Variants in BIRC6 observed in about 807,000 individuals in gnomAD.
The protein encoded by BIRC6 is dual E2 ubiquitin-conjugating enzyme/E3 ubiquitin-protein ligase BIRC6.
In BIRC6, 98 loss-of-function variants were observed where a neutral mutation model predicts 503.3. That is an observed-to-expected ratio of 0.19 (90% confidence interval 0.17 to 0.23). The LOEUF (loss-of-function observed/expected upper bound fraction) is 0.23. BIRC6 is among the 10% of genes least tolerant of loss of function. The pLI is 1.00. For missense variants in BIRC6, 5,360 were observed against 5,806.0 expected, an observed-to-expected ratio of 0.92 and a Z score of 2.50; for synonymous variants, 2,240 against 2,078.7, an observed-to-expected ratio of 1.08 and a Z score of -2.11.
At chr2:32,530,476 G>T (rs2056644991) in intron 60 of BIRC6, among the ~76,000 whole-genome samples, 1 of 152,122 alleles carries the variant, frequency 6.6e-6, no homozygotes. Context: ...CTCACAAAGT[G>T]CTGGGATATA....
intron 65 of BIRC6, among the ~76,000 whole-genome samples, chr2:32,572,395 G>C (rs1215303239): frequency 1.3e-5 from 2 of 152,124 alleles, no homozygotes. Flanking sequence ...ATCATTTCCA[G>C]CTTTCCCTAT....
In BIRC6 at chr2:32,505,545, G is replaced by T. The variant is rs1363400055; in HGVS notation, c.9700+340G>T. Among the ~76,000 whole-genome samples the T allele has an allele frequency of 2.0e-5, 3 of 152,100 alleles. No homozygotes were observed. In the East Asian group the frequency reaches 5.8e-4, roughly 29 times the overall value. On this transcript the variant is annotated intron_variant, in intron 50 of 73. Coordinates refer to ENST00000421745, the MANE Select transcript of BIRC6 (RefSeq NM_016252.4). Reference sequence around the variant, plus strand: ...TTACCATGTTAGTTTTTTCAGCCCAGACCTCAGTCCTAGCCTTGTAATGTG... The same window carrying T: ...TTACCATGTTAGTTTTTTCAGCCCATACCTCAGTCCTAGCCTTGTAATGTG...
intron 61 of BIRC6, among the ~76,000 whole-genome samples, chr2:32,534,603 C>A (rs1403545992): frequency 6.7e-6 from 1 of 150,360 alleles, no homozygotes; most frequent in Non-Finnish European, 1.5e-5. Flanking sequence ...TGGTGGTGGA[C>A]GCTTGTAATC....
In BIRC6 at chr2:32,429,308, AT is replaced by A; in HGVS notation, c.3022+18del. On this transcript the variant is annotated intron_variant, in intron 11 of 73. Transcript: ENST00000421745. ...CCTGGCATTTCAGGTATGATATTAA[AT>A]TTTTAAATGATTTTAAAAAAAGAAT... 3 of 1,470,858 alleles carry A rather than the reference AT, an allele frequency of 2.0e-6. No individual in the cohort carries two copies. The South Asian group carries it at 4.1e-5, about 20-fold the overall frequency. 91.1% of individuals were successfully genotyped at this position (1,470,858 alleles called of 1,614,324 possible).
intron 33 of BIRC6, among the ~76,000 whole-genome samples, chr2:32,475,984 T>C (rs902390414): frequency 3.9e-5 from 6 of 152,184 alleles, no homozygotes; most frequent in Admixed American, 3.9e-4. Context: ...AGTCTTCCAG[T>C]TATTTCTTAC....
At chr2:32,466,019 A>G (rs987543238) in intron 26 of BIRC6, among the ~76,000 whole-genome samples, 2 of 152,134 alleles carry the variant, frequency 1.3e-5, no homozygotes, top group Non-Finnish European at 2.9e-5. Context: ...TTTACACTGT[A>G]GTTTGTTTTT....
At position 32,595,093 on chromosome 2, in the gene BIRC6, T is replaced by G. The variant is rs1055448566; in HGVS notation, c.13561T>G (p.Leu4521Val). 2.5e-6 allele frequency: 4 copies of G among 1,601,510 alleles called. No homozygotes were observed. The highest frequency in any genetic ancestry group is 3.4e-6 in the Non-Finnish European group (4 of 1,177,088). ...AAMKPKPLSV[L>V]KSLEEKYVAV... ...TATGAAACCCAAACCTTTGTCAGTA[T>G]TAAAGTCACTTGAAGAAAAATATGT... Residue 4521 changes from leucine (L) to valine (V), a missense_variant, in exon 68 of 74, where the codon TTA (leucine) becomes GTA (valine). Around this residue, in one of 16 missense-constraint regions of BIRC6, gnomAD observed 477 missense variants for 574.4 expected, o/e 0.83. Transcript: ENST00000421745.
chr2:32,551,834 T>G (rs2058444553), intron 65 of BIRC6, among the ~76,000 whole-genome samples: 2 of 152,210 alleles, frequency 1.3e-5, no homozygotes, highest in Admixed American at 1.3e-4. Context: ...TTATCTTTCA[T>G]AATACTGATA....
Position 32,499,526 on chromosome 2 carries a change from TC to T in BIRC6, c.8469-20del. ...CTCTCTCTCTCTCTCTTTTTCTGTC[TC>T]TCTCTCTCTCTCTCTGCAGGGGTGC... On this transcript the variant is annotated intron_variant, in intron 45 of 73. Coordinates refer to ENST00000421745, the MANE Select transcript of BIRC6 (RefSeq NM_016252.4). 3 of 1,312,154 alleles carry T rather than the reference TC, an allele frequency of 2.3e-6. No homozygotes were observed. The highest frequency in any genetic ancestry group is 2.7e-5 in the Admixed American group (1 of 37,452). The allele number at this position is 1,312,154 out of a possible 1,614,324, so 81.3% of individuals were successfully genotyped here.
In BIRC6 at chr2:32,442,052, T is replaced by C. The variant is rs2045493931; in HGVS notation, c.3945-13T>C. The C allele has an allele frequency of 3.3e-6, 5 of 1,511,808 alleles. No individual in the cohort carries two copies. In the Admixed American group the frequency reaches 1.2e-4, roughly 35 times the overall value. The allele number at this position is 1,511,808 out of a possible 1,614,324, so 93.6% of individuals were successfully genotyped here. A position where few individuals can be genotyped will look rare whatever the true frequency, so the allele number is the denominator to read the frequency against. On this transcript the variant is annotated splice_polypyrimidine_tract_variant and intron_variant, in intron 17 of 73. Coordinates refer to ENST00000421745, the MANE Select transcript of BIRC6 (RefSeq NM_016252.4). ...TTTGTTTGGTAATGTGTTTATATTT[T>C]CTTTTTTTGTAGAGTGCAACGATGT... is the stretch of plus-strand genomic sequence containing the variant.
intron 71 of BIRC6, among the ~76,000 whole-genome samples, chr2:32,605,244 C>G (rs1403793390): frequency 6.6e-6 from 1 of 152,098 alleles, no homozygotes; most frequent in Non-Finnish European, 1.5e-5. Context: ...TAGGCCCCAG[C>G]GTCTGCAAAA....
rs1164201194 is a variant in BIRC6 at position 32,549,048 on chromosome 2, GCTA to G, written c.12976-260_12976-258del. ...TAAAATATGTAAATAATACAGAGTT[GCTA>G]CTACATTTTTTATGTTCGTAGTTGT... On this transcript the variant is annotated intron_variant, in intron 64 of 73. Coordinates refer to ENST00000421745, the MANE Select transcript of BIRC6 (RefSeq NM_016252.4). 5 of 244,524 alleles carry G rather than the reference GCTA, an allele frequency of 2.0e-5. No homozygotes were observed. In the South Asian group the frequency reaches 5.3e-4, roughly 26 times the overall value. 15.1% of individuals were successfully genotyped at this position (244,524 alleles called of 1,614,324 possible).
chr2:32,556,606 A>G (rs1405876674), intron 65 of BIRC6, among the ~76,000 whole-genome samples: 1 of 152,002 alleles, frequency 6.6e-6, no homozygotes, highest in East Asian at 1.9e-4. Context: ...CCGCTATATA[A>G]TTGTTTTGCA....
chr2:32,362,579 A>T (rs1195009988), intron 1 of BIRC6, among the ~76,000 whole-genome samples: 3 of 151,882 alleles, frequency 2.0e-5, no homozygotes, highest in Admixed American at 2.0e-4. Context: ...CGGCCTCCCA[A>T]AGTGCTGGGA....
intron 6 of BIRC6, among the ~76,000 whole-genome samples, chr2:32,397,604 G>GTGTGTGTGTGTA (rs1412130234): frequency 1.8e-5 from 2 of 111,978 alleles, no homozygotes; most frequent in African/African-American, 7.1e-5. Context: ...GTGTGTGTGT[G>GTGTGTGTGTGTA]TATATATGTG....
rs759426829 is a variant in BIRC6, at chr2:32,439,654, G to C, written c.3778G>C (p.Ala1260Pro). The C allele has an allele frequency of 6.2e-7, 1 of 1,613,726 alleles. No homozygotes were observed. The highest frequency in any genetic ancestry group is 2.2e-5 in the East Asian group (1 of 44,864). Residue 1260 changes from alanine to proline, a missense_variant, in exon 16 of 74, where the codon GCT becomes CCT. Physicochemically the swap from Ala to Pro is conservative, Grantham distance 27. Transcript: ENST00000421745. ...KHQSNKGYSLASLLAKVAAGK... is the reference protein window; with the variant it reads ...KHQSNKGYSLPSLLAKVAAGK... ...CCAGAGTAACAAGGGTTATTCACTT[G>C]CTTCACTTTTGGCTAAAGTTGCAGC...
intron 73 of BIRC6, among the ~76,000 whole-genome samples, chr2:32,614,554 G>A (rs780735855): frequency 4.6e-5 from 7 of 152,140 alleles, no homozygotes; most frequent in South Asian, 2.1e-4. Flanking sequence ...TTGGCCAGGC[G>A]CAGTGACTCA....
chr2:32,368,400 CGTGGTGGT>C (rs2035281239), intron 1 of BIRC6, among the ~76,000 whole-genome samples: 2 of 151,640 alleles, frequency 1.3e-5, no homozygotes, highest in Non-Finnish European at 2.9e-5. Context: ...ATTAGCCAGG[CGTGGTGGT>C]GTGCCCCTGT....
At chr2:32,412,950 T>C (rs1458863970) in intron 9 of BIRC6, among the ~76,000 whole-genome samples, 1 of 152,058 alleles carries the variant, frequency 6.6e-6, no homozygotes, top group Non-Finnish European at 1.5e-5. Flanking sequence ...ATCACATTAC[T>C]TTTTTGAAAA....
Sources: gnomAD v4.1 joint callset for allele counts (sites outside exome capture counted in the v4.1 genomes callset) on GRCh38, gnomAD v4.1.1 for gene constraint, gnomAD v4.1.1 regional missense constraint, MANE v1.5 for transcripts, NCBI Gene and HGNC (gene_info 2026-07-23, HGNC 2026-07-21) for gene names.